DENND2C: variants seen among roughly 807,000 people sequenced by gnomAD.
DENND2C encodes DENN domain containing 2C.
In DENND2C, 72 loss-of-function variants were observed where a neutral mutation model predicts 112.4. That is an observed-to-expected ratio of 0.64 (90% CI 0.53 to 0.78). The LOEUF (loss-of-function observed/expected upper bound fraction) is 0.78. Ranked by LOEUF, DENND2C falls within the 30% of genes least tolerant of loss-of-function variation. The pLI, the probability that DENND2C is intolerant of heterozygous loss-of-function variation, is 0.00. For missense variants in DENND2C, 992 were observed against 1,113.8 expected, an observed-to-expected ratio of 0.89 and a Z score of 1.56; for synonymous variants, 329 against 381.6, an observed-to-expected ratio of 0.86 and a Z score of 1.61.
intron 2 of DENND2C, among the ~76,000 whole-genome samples, chr1:114,653,093 T>C (rs886367882): frequency 1.3e-5 from 2 of 151,792 alleles, no homozygotes; most frequent in Non-Finnish European, 2.9e-5. Flanking sequence ...ACCAATAAAG[T>C]TTTTTTTAAC....
At chr1:114,609,241 C>T (rs1409446401) in intron 9 of DENND2C, among the ~76,000 whole-genome samples, 1 of 152,242 alleles carries the variant, frequency 6.6e-6, no homozygotes, top group Non-Finnish European at 1.5e-5. Context: ...ACAGATGCTA[C>T]TGCTGGGAAT....
At position 114,623,508 on chromosome 1, in the gene DENND2C, T is replaced by A. The variant is rs1656243523; in HGVS notation, c.942A>T (p.Ile314=). ...QSEDNIYEDI[I]YPTKENPYED... is the part of the protein sequence containing the mutation. ...AACTGCAAAGTTGTCAACACCTACA[T>A]ATGATATCTTCATAGATATTGTCCT... Residue 314 remains isoleucine, a splice_region_variant and synonymous_variant, in exon 5 of 21, where the codon ATA becomes ATT. Transcript: ENST00000393274. 1 of 1,601,386 alleles carries A rather than the reference T, an allele frequency of 6.2e-7. No individual in the cohort carries two copies. Among genetic ancestry groups the A allele is most frequent in the Non-Finnish European group, 8.5e-7 (1 of 1,174,876 alleles).
At chr1:114,612,721 T>A (rs2101656653) in intron 8 of DENND2C, among the ~76,000 whole-genome samples, 1 of 152,320 alleles carries the variant, frequency 6.6e-6, no homozygotes, top group East Asian at 1.9e-4. Flanking sequence ...GGTTTCACCG[T>A]GTTGGTCAGG....
intron 2 of DENND2C, among the ~76,000 whole-genome samples, chr1:114,653,252 G>A (rs1477895169): frequency 1.3e-5 from 2 of 151,944 alleles, no homozygotes; most frequent in Non-Finnish European, 1.5e-5. Flanking sequence ...GGGATTACAG[G>A]TGTGCACCAC....
At position 114,618,562 on chromosome 1, in the gene DENND2C, T is replaced by G. The variant is rs148512466; in HGVS notation, c.1228-80A>C. The G allele has an allele frequency of 7.7e-5, 60 of 779,370 alleles. No homozygotes were observed. In the East Asian group the frequency reaches 1.6e-3, roughly 20 times the overall value. The allele number at this position is 779,370 out of a possible 1,614,324, so 48.3% of individuals were successfully genotyped here. The stretch of plus-strand genomic sequence containing the variant: ...TTTGATGACATTAATCTATTAGGGA[T>G]TCTTATTCAGAGAAAAGACCTATTT... On this transcript the variant is annotated intron_variant, in intron 7 of 20. Coordinates refer to ENST00000393274, the MANE Select transcript of DENND2C (RefSeq NM_001256404.2).
At chr1:114,632,729 G>C (rs1451691332) in intron 3 of DENND2C, among the ~76,000 whole-genome samples, 1 of 151,880 alleles carries the variant, frequency 6.6e-6, no homozygotes, top group East Asian at 1.9e-4. Context: ...CTTTCAACTT[G>C]TGGGGTTTTT....
chr1:114,642,016 A>T (rs983549737), intron 3 of DENND2C, among the ~76,000 whole-genome samples: 1 of 152,084 alleles, frequency 6.6e-6, no homozygotes, highest in Non-Finnish European at 1.5e-5. Flanking sequence ...GAAGTGGCAC[A>T]ATCTCAGCAC....
intron 4 of DENND2C, 101 bp downstream of exon 4, chr1:114,625,078 C>T: frequency 8.1e-7 from 1 of 1,230,676 alleles, no homozygotes; most frequent in Non-Finnish European, 1.1e-6. Flanking sequence ...AGGGGCATCA[C>T]CTAAGCTGGG....
chr1:114,594,705 C>G (rs1314559348), intron 17 of DENND2C, 127 bp from the exon 18 acceptor site: 6 of 657,854 alleles, frequency 9.1e-6, no homozygotes, highest in Non-Finnish European at 1.5e-5. Flanking sequence ...AAGAGTCAGT[C>G]TGAAGTCTCC....
intron 8 of DENND2C, among the ~76,000 whole-genome samples, chr1:114,613,106 C>A (rs963623954): frequency 2.0e-5 from 3 of 152,164 alleles, no homozygotes; most frequent in African/African-American, 4.8e-5. Flanking sequence ...TTTTAAATAT[C>A]CACAGGTTAA....
intron 15 of DENND2C, among the ~76,000 whole-genome samples, chr1:114,599,767 T>C (rs1050045172): frequency 5.9e-5 from 9 of 152,168 alleles, no homozygotes; most frequent in East Asian, 1.9e-4. Flanking sequence ...ACAAAAGTCA[T>C]TGGTATAGCC....
chr1:114,668,520 A>AACACACACACACAC (rs71580644), intron 1 of DENND2C, among the ~76,000 whole-genome samples: 39 of 146,952 alleles, frequency 2.7e-4, no homozygotes, highest in African/African-American at 5.1e-4. Context: ...TGCCACATTC[A>AACACACACACACAC]ACACACACAC....
chr1:114,646,970 G>A (rs1325608427), intron 2 of DENND2C, among the ~76,000 whole-genome samples: 1 of 151,926 alleles, frequency 6.6e-6, no homozygotes, highest in Non-Finnish European at 1.5e-5. Flanking sequence ...GACCAGCCTG[G>A]CCAACATGGC....
rs752208743 is a variant in DENND2C, at chr1:114,635,044, AG to A, written c.-204-8857del. The stretch of plus-strand genomic sequence containing the variant: ...CTCCGTCTAAAAAAAAAAAAAAAAA[AG>A]AAAAAAAAGAAAAAAACTGGAACAC... On this transcript the variant is annotated intron_variant, in intron 3 of 20. Coordinates refer to ENST00000393274, the MANE Select transcript of DENND2C (RefSeq NM_001256404.2). Among the ~76,000 whole-genome samples, 115 of 150,770 alleles carry A rather than the reference AG, an allele frequency of 7.6e-4. No homozygotes were observed. In the South Asian group the frequency reaches 8.4e-3, roughly 11 times the overall value.
At chr1:114,615,846 C>T (rs559080438) in intron 8 of DENND2C, among the ~76,000 whole-genome samples, 40 of 152,234 alleles carry the variant, frequency 2.6e-4, no homozygotes, top group Non-Finnish European at 4.4e-4. Flanking sequence ...GAGACTGAGG[C>T]GGGTGGATCA....
chr1:114,604,166 G>C (rs185810393), intron 11 of DENND2C, among the ~76,000 whole-genome samples: 81 of 152,264 alleles, frequency 5.3e-4, no homozygotes, highest in African/African-American at 1.9e-3. Context: ...GCTTATGAGA[G>C]ATAGTAGCTT....
chr1:114,591,406 C>G (rs774724629), intron 18 of DENND2C, among the ~76,000 whole-genome samples: 10 of 152,098 alleles, frequency 6.6e-5, no homozygotes, highest in Non-Finnish European at 1.3e-4. Context: ...CATGTTTCTT[C>G]TTCTTTGAAT....
chr1:114,599,769 G>A (rs79413060), intron 15 of DENND2C, among the ~76,000 whole-genome samples: 5,398 of 152,142 alleles, frequency 0.035, 146 homozygotes, highest in Middle Eastern at 0.065. Flanking sequence ...AAAAGTCATT[G>A]GTATAGCCTA....
At chr1:114,655,254 C>G (rs1657276191) in intron 1 of DENND2C, among the ~76,000 whole-genome samples, 1 of 152,192 alleles carries the variant, frequency 6.6e-6, no homozygotes, top group Non-Finnish European at 1.5e-5. Flanking sequence ...TCACTACACA[C>G]TCTGTGTCCC....
Sources: gnomAD v4.1 joint callset for allele counts (sites outside exome capture counted in the v4.1 genomes callset) on GRCh38, gnomAD v4.1.1 for gene constraint, MANE v1.5 for transcripts, NCBI Gene and HGNC (gene_info 2026-07-23, HGNC 2026-07-21) for gene names.